AFF3: variants seen among roughly 807,000 people sequenced by gnomAD.
AFF3 encodes AF4/FMR2 family member 3.
A neutral mutation model predicts 129.7 loss-of-function variants in AFF3; 32 were observed. The ratio of observed to expected loss-of-function variants is 0.25; its 90% confidence interval spans 0.19 to 0.33. The LOEUF is 0.33. Ranked by LOEUF, AFF3 falls within the 10% of genes least tolerant of loss-of-function variation. AFF3 has a pLI of 1.00. For missense variants in AFF3, 1,373 were observed against 1,592.0 expected, an observed-to-expected ratio of 0.86 and a Z score of 2.34; for synonymous variants, 644 against 635.4, an observed-to-expected ratio of 1.01 and a Z score of -0.20.
At chr2:99,913,084 C>T (rs75998878) in intron 7 of AFF3, among the ~76,000 whole-genome samples, 3,938 of 152,230 alleles carry the variant, frequency 0.026, 162 homozygotes, top group African/African-American at 0.088. Context: ...AATTTCACCC[C>T]TTCAGTTCAG....
intron 7 of AFF3, among the ~76,000 whole-genome samples, chr2:99,928,176 G>A (rs115658543): frequency 0.025 from 3,757 of 152,208 alleles, 154 homozygotes; most frequent in African/African-American, 0.083. Context: ...TATCAGCAGC[G>A]TGAAAACAGA....
intron 12 of AFF3, among the ~76,000 whole-genome samples, chr2:99,667,642 T>C (rs1686788933): frequency 6.6e-6 from 1 of 152,098 alleles, no homozygotes; most frequent in East Asian, 1.9e-4. Context: ...AGACAAATGA[T>C]GAGTATCACT....
chr2:100,042,815 C>T (rs970091049), intron 4 of AFF3, among the ~76,000 whole-genome samples: 7 of 152,172 alleles, frequency 4.6e-5, no homozygotes, highest in Non-Finnish European at 1.0e-4. Context: ...CCTAGAACAT[C>T]AGAGTTGCTT....
intron 13 of AFF3, among the ~76,000 whole-genome samples, chr2:99,604,995 C>T (rs1449057964): frequency 6.6e-6 from 1 of 152,198 alleles, no homozygotes; most frequent in Non-Finnish European, 1.5e-5. Context: ...TTCCTTGTGG[C>T]TTGCACCACA....
intron 13 of AFF3, among the ~76,000 whole-genome samples, chr2:99,602,132 G>A (rs1679896525): frequency 6.6e-6 from 1 of 152,218 alleles, no homozygotes; most frequent in East Asian, 1.9e-4. Flanking sequence ...GAGCTTTCAT[G>A]ACCTGCTGGA....
chr2:99,783,687 T>C (rs1684571260), intron 8 of AFF3, among the ~76,000 whole-genome samples: 1 of 152,270 alleles, frequency 6.6e-6, no homozygotes, highest in Non-Finnish European at 1.5e-5. Context: ...AGAGCTGTCT[T>C]TCTAAAATTT....
intron 7 of AFF3, among the ~76,000 whole-genome samples, chr2:99,993,828 G>A (rs1198801740): frequency 1.9e-5 from 2 of 104,904 alleles, no homozygotes; most frequent in Non-Finnish European, 3.7e-5. Context: ...TTTTTGAGAC[G>A]GAGTTTCAAT....
chr2:99,598,282 G>A (rs1175421747), intron 14 of AFF3, among the ~76,000 whole-genome samples: 1 of 152,126 alleles, frequency 6.6e-6, no homozygotes, highest in Non-Finnish European at 1.5e-5. Flanking sequence ...CAAAGGCCGA[G>A]TGAGTTCCGT....
chr2:99,818,689 C>T (rs1383203609), intron 8 of AFF3, among the ~76,000 whole-genome samples: 1 of 152,122 alleles, frequency 6.6e-6, no homozygotes, highest in Non-Finnish European at 1.5e-5. Context: ...AAGCAATCTA[C>T]CAAGTTTATT....
chr2:99,877,112 T>C (rs1229884776), intron 7 of AFF3, among the ~76,000 whole-genome samples: 1 of 152,076 alleles, frequency 6.6e-6, no homozygotes, highest in Non-Finnish European at 1.5e-5. Context: ...ATACACAGAT[T>C]CTTGGGAAAT....
At chr2:99,992,695 T>C (rs926891190) in intron 7 of AFF3, among the ~76,000 whole-genome samples, 2 of 152,232 alleles carry the variant, frequency 1.3e-5, no homozygotes, top group Non-Finnish European at 2.9e-5. Flanking sequence ...AAACACCTAT[T>C]AGATCTTGGG....
intron 7 of AFF3, among the ~76,000 whole-genome samples, chr2:99,839,910 T>C (rs72957935): frequency 0.051 from 7,769 of 152,256 alleles, 681 homozygotes; most frequent in African/African-American, 0.18. Context: ...AGATCTGCAT[T>C]TTCTTAATGA....
chr2:99,658,290 C>T (rs1685930026), intron 12 of AFF3, among the ~76,000 whole-genome samples: 1 of 152,066 alleles, frequency 6.6e-6, no homozygotes, highest in Non-Finnish European at 1.5e-5. Flanking sequence ...TGAAGGATGC[C>T]TGGAGGAGGG....
At chr2:99,715,012 A>C (rs1226721058) in intron 11 of AFF3, among the ~76,000 whole-genome samples, 1 of 152,208 alleles carries the variant, frequency 6.6e-6, no homozygotes, top group African/African-American at 2.4e-5. Flanking sequence ...ACGTCTTCCA[A>C]GACATTTTGA....
chr2:99,833,929 T>C (rs563395845), intron 8 of AFF3, among the ~76,000 whole-genome samples: 1 of 152,258 alleles, frequency 6.6e-6, no homozygotes, highest in Admixed American at 6.5e-5. Context: ...GGAATAAAAC[T>C]CTCGGAGTAA....
chr2:100,012,647 A>G (rs1396390345), intron 4 of AFF3, among the ~76,000 whole-genome samples: 1 of 152,214 alleles, frequency 6.6e-6, no homozygotes, highest in Non-Finnish European at 1.5e-5. Context: ...ATCTCTTGCC[A>G]TGAAAGCTTA....
At chr2:99,574,403 C>G (rs1183297657) in intron 18 of AFF3, among the ~76,000 whole-genome samples, 1 of 152,170 alleles carries the variant, frequency 6.6e-6, no homozygotes, top group Admixed American at 6.5e-5. Flanking sequence ...CTAACTGGTG[C>G]CTGTTTACAG....
At chr2:99,913,322 T>C (rs954612507) in intron 7 of AFF3, among the ~76,000 whole-genome samples, 4 of 152,164 alleles carry the variant, frequency 2.6e-5, no homozygotes, top group Admixed American at 6.5e-5. Flanking sequence ...CTGTGGATAG[T>C]GGGAACAAGT....
At chr2:100,124,193 C>A (rs749425175) in intron 2 of AFF3, among the ~76,000 whole-genome samples, 1 of 151,906 alleles carries the variant, frequency 6.6e-6, no homozygotes, top group Non-Finnish European at 1.5e-5. Flanking sequence ...CTTGAAGATG[C>A]GTCTAGGAGA....
Sources: allele counts gnomAD v4.1 joint callset (sites outside exome capture counted in the v4.1 genomes callset), GRCh38; gene constraint gnomAD v4.1.1; transcripts MANE v1.5; gene names NCBI Gene and HGNC (gene_info 2026-07-23, HGNC 2026-07-21).